Variants in RYR2 observed in about 807,000 individuals in gnomAD.
RYR2 encodes cardiac muscle ryanodine receptor-calcium release channel.
In RYR2, 227 loss-of-function variants were observed where a neutral mutation model predicts 601.1. The observed-to-expected ratio is 0.38, with a 90% CI of 0.34 to 0.42. The LOEUF (loss-of-function observed/expected upper bound fraction) is 0.42. RYR2 is among the 10% of genes least tolerant of loss of function. The pLI, the probability that RYR2 is intolerant of heterozygous loss-of-function variation, is 1.00. For missense variants in RYR2, 4,646 were observed against 6,156.5 expected, an observed-to-expected ratio of 0.75 and a Z score of 8.21; for synonymous variants, 2,223 against 2,175.1, an observed-to-expected ratio of 1.02 and a Z score of -0.61.
chr1:237,830,851 T>G (rs1344377389), intron 103 of RYR2, among the ~76,000 whole-genome samples: 1 of 152,194 alleles, frequency 6.6e-6, no homozygotes, highest in Non-Finnish European at 1.5e-5. Flanking sequence ...TTCTAGAACT[T>G]GAAATGAAGA....
intron 70 of RYR2, among the ~76,000 whole-genome samples, chr1:237,711,320 T>G (rs1295230240): frequency 6.6e-6 from 1 of 152,178 alleles, no homozygotes; most frequent in Admixed American, 6.5e-5. Context: ...TAAAAGGGAA[T>G]AAATAATGAT....
At chr1:237,577,528 G>T (rs940778958) in intron 29 of RYR2, among the ~76,000 whole-genome samples, 1 of 59,290 alleles carries the variant, frequency 1.7e-5, no homozygotes, top group East Asian at 4.2e-4. Flanking sequence ...GTGTGTGTGT[G>T]TGTGTGTGCG....
chr1:237,234,499 G>A (rs1314637683), intron 1 of RYR2, among the ~76,000 whole-genome samples: 1 of 152,176 alleles, frequency 6.6e-6, no homozygotes, highest in Admixed American at 6.5e-5. Context: ...TTCGGTGGGA[G>A]TTGGCGTGTC....
intron 58 of RYR2, 84 bp from the exon 59 acceptor site, chr1:237,674,012 A>G (rs1019790868): frequency 1.4e-5 from 15 of 1,058,302 alleles, no homozygotes; most frequent in Non-Finnish European, 2.1e-5. Flanking sequence ...AAAGTTTTAT[A>G]GTGTGGTCCA....
chr1:237,459,785 TG>T (rs1338781946), intron 16 of RYR2, among the ~76,000 whole-genome samples: 3 of 152,156 alleles, frequency 2.0e-5, no homozygotes, highest in Non-Finnish European at 4.4e-5. Context: ...TACAAAATGT[TG>T]GGGACTTGGT....
intron 2 of RYR2, among the ~76,000 whole-genome samples, chr1:237,321,047 T>TA (rs1308501416): frequency 3.3e-5 from 5 of 151,992 alleles, no homozygotes; most frequent in African/African-American, 1.2e-4. Context: ...GGCAGGCTGA[T>TA]ATGACCTTGT....
chr1:237,229,314 G>C (rs1684723681), intron 1 of RYR2, among the ~76,000 whole-genome samples: 2 of 152,222 alleles, frequency 1.3e-5, no homozygotes, highest in South Asian at 4.1e-4. Flanking sequence ...GTGGTTTGCT[G>C]TTAGTATTAT....
chr1:237,336,878 T>A (rs572936531), intron 3 of RYR2, among the ~76,000 whole-genome samples: 41 of 150,724 alleles, frequency 2.7e-4, no homozygotes, highest in African/African-American at 7.3e-4. Flanking sequence ...ATAAATTAAT[T>A]AATTAATTAA....
At chr1:237,170,648 A>C (rs1677254408) in intron 1 of RYR2, among the ~76,000 whole-genome samples, 1 of 152,230 alleles carries the variant, frequency 6.6e-6, no homozygotes, top group Non-Finnish European at 1.5e-5. Flanking sequence ...AGGATACAAG[A>C]AAGAAATTTG....
intron 1 of RYR2, among the ~76,000 whole-genome samples, chr1:237,119,398 T>C (rs1214153479): frequency 6.6e-6 from 1 of 152,106 alleles, no homozygotes; most frequent in East Asian, 1.9e-4. Flanking sequence ...CTACAGTAAT[T>C]GGGAAAACTG....
At chr1:237,756,597 C>A (rs1692975061) in intron 81 of RYR2, among the ~76,000 whole-genome samples, 1 of 151,970 alleles carries the variant, frequency 6.6e-6, no homozygotes, top group African/African-American at 2.4e-5. Context: ...TATACAGATT[C>A]ATTTTCATTC....
chr1:237,363,154 T>C (rs1325743508), intron 4 of RYR2, among the ~76,000 whole-genome samples: 1 of 152,092 alleles, frequency 6.6e-6, no homozygotes. Flanking sequence ...TGTTAGGTTT[T>C]TGTGTTTCTT....
At chr1:237,340,847 G>A (rs1697708380) in intron 3 of RYR2, among the ~76,000 whole-genome samples, 1 of 152,148 alleles carries the variant, frequency 6.6e-6, no homozygotes, top group Non-Finnish European at 1.5e-5. Flanking sequence ...ATAATCTCTT[G>A]AAGGGTTCAT....
At chr1:237,674,317 G>A (rs959899721) in intron 59 of RYR2, 98 bp downstream of exon 59, 7 of 973,116 alleles carry the variant, frequency 7.2e-6, no homozygotes, top group Admixed American at 4.4e-5. Flanking sequence ...TCAATGATCT[G>A]TTTACACTTT....
chr1:237,713,096 C>T (rs1688975877), intron 71 of RYR2, among the ~76,000 whole-genome samples: 1 of 152,090 alleles, frequency 6.6e-6, no homozygotes, highest in African/African-American at 2.4e-5. Context: ...TTTTGAATGC[C>T]CTGTGTTTGA....
chr1:237,644,534 A>G (rs1446190176), intron 48 of RYR2, among the ~76,000 whole-genome samples: 1 of 152,196 alleles, frequency 6.6e-6, no homozygotes, highest in African/African-American at 2.4e-5. Context: ...TCCTAGCCAA[A>G]AAGAAGTGTT....
At chr1:237,740,517 A>G (rs1234511369) in intron 79 of RYR2, among the ~76,000 whole-genome samples, 1 of 152,182 alleles carries the variant, frequency 6.6e-6, no homozygotes, top group Non-Finnish European at 1.5e-5. Flanking sequence ...ATCCCTTTGT[A>G]CAAAAGCAAA....
intron 73 of RYR2, among the ~76,000 whole-genome samples, chr1:237,721,574 T>C (rs1242435778): frequency 6.6e-6 from 1 of 152,158 alleles, no homozygotes; most frequent in Non-Finnish European, 1.5e-5. Context: ...CTGGAGGGCA[T>C]TGGTGCAATC....
chr1:237,602,740 A>G (rs1232984769), intron 35 of RYR2, among the ~76,000 whole-genome samples: 1 of 152,208 alleles, frequency 6.6e-6, no homozygotes, highest in Non-Finnish European at 1.5e-5. Context: ...TCCAAGTTGA[A>G]AAGGTCTTGT....
Sources: gnomAD v4.1 joint callset for allele counts (sites outside exome capture counted in the v4.1 genomes callset) on GRCh38, gnomAD v4.1.1 for gene constraint, MANE v1.5 for transcripts, NCBI Gene and HGNC (gene_info 2026-07-23, HGNC 2026-07-21) for gene names.